The following FANCB variants were observed in gnomAD, a reference collection of about 807,000 sequenced individuals.
The protein encoded by FANCB is Fanconi anemia group B protein.
In FANCB, 5 loss-of-function variants were observed where a neutral mutation model predicts 38.9. That is an observed-to-expected ratio of 0.13 (90% CI 0.07 to 0.27). The LOEUF (loss-of-function observed/expected upper bound fraction) is 0.27. Among genes scored for constraint, FANCB ranks in the 10% least tolerant of loss-of-function variants. FANCB has a pLI of 1.00. For missense variants in FANCB, 573 were observed against 602.7 expected (o/e 0.95, Z 0.52); for synonymous variants, 236 against 215.4 (o/e 1.10, Z -0.84).
At chrX:14,740,976 G>GCA in the FANCB span, among the ~76,000 whole-genome samples, 797 of 108,704 alleles carry the variant, frequency 7.3e-3, 17 homozygotes, top group Admixed American at 0.058. Context: ...ACACACACAC[G>GCA]CACACACACA....
At chrX:14,833,667 C>T (rs980072476), downstream of FANCB, among the ~76,000 whole-genome samples, 1 of 42,303 alleles carries the variant, frequency 2.4e-5, no homozygotes, top group Non-Finnish European at 4.2e-5. Context: ...CCTGGGGAGG[C>T]TGGGTGTGGG....
the FANCB span, among the ~76,000 whole-genome samples, chrX:14,748,369 C>T: frequency 6.9e-5 from 4 of 58,288 alleles, no homozygotes; most frequent in Admixed American, 6.2e-4. Flanking sequence ...CAGTCCTGGA[C>T]AGCACTTTGT....
the FANCB span, among the ~76,000 whole-genome samples, chrX:14,795,911 T>C: frequency 9.1e-6 from 1 of 110,442 alleles, no homozygotes; most frequent in Admixed American, 9.7e-5. Flanking sequence ...TATTAAGGAG[T>C]AAAAAAGAGG....
At chrX:14,775,303 T>C in the FANCB span, among the ~76,000 whole-genome samples, 1 of 109,703 alleles carries the variant, frequency 9.1e-6, no homozygotes, top group South Asian at 3.9e-4. Context: ...TTGCTGCTGA[T>C]CGTGTCCCTG....
At chrX:14,768,300 TG>T in the FANCB span, among the ~76,000 whole-genome samples, 9 of 112,299 alleles carry the variant, frequency 8.0e-5, no homozygotes, top group African/African-American at 2.9e-4. Context: ...GAGCATGGAA[TG>T]TTTCTCCATT....
the FANCB span, chrX:14,730,316 T>A: frequency 8.3e-7 from 1 of 1,210,181 alleles, no homozygotes; most frequent in Non-Finnish European, 1.1e-6. Flanking sequence ...GCCAACCCAC[T>A]CCCACAACCG....
chrX:14,767,079 T>C, the FANCB span, among the ~76,000 whole-genome samples: 1 of 112,333 alleles, frequency 8.9e-6, no homozygotes, highest in East Asian at 2.8e-4. Flanking sequence ...ATTTTCTTTA[T>C]CTAGTTTCCT....
the FANCB span, among the ~76,000 whole-genome samples, chrX:14,766,388 C>A: frequency 1.8e-5 from 2 of 111,925 alleles, no homozygotes; most frequent in South Asian, 7.4e-4. Context: ...TTCATTCATT[C>A]AGCTATTAAA....
the FANCB span, among the ~76,000 whole-genome samples, chrX:14,749,372 G>A: frequency 9.0e-6 from 1 of 111,160 alleles, no homozygotes; most frequent in Non-Finnish European, 1.9e-5. Context: ...ACTTGTAGAC[G>A]TAGGGCTCAG....
At chrX:14,843,356 T>C (rs1601975525), downstream of FANCB, 2 of 377,523 alleles carry the variant, frequency 5.3e-6, no homozygotes, top group South Asian at 5.1e-5. Context: ...TCTCCAGACA[T>C]AGCCAAATGC....
At chrX:14,691,633 A>T in the FANCB span, among the ~76,000 whole-genome samples, 1 of 111,265 alleles carries the variant, frequency 9.0e-6, no homozygotes, top group Admixed American at 9.6e-5. Flanking sequence ...CTAAACCTCA[A>T]TGTTAGGAGG....
chrX:14,759,347 T>C, the FANCB span, among the ~76,000 whole-genome samples: 1 of 111,217 alleles, frequency 9.0e-6, no homozygotes, highest in Non-Finnish European at 1.9e-5. Context: ...GATCTAGACA[T>C]TCAAATACAA....
the FANCB span, among the ~76,000 whole-genome samples, chrX:14,697,346 G>A: frequency 1.8e-5 from 2 of 111,953 alleles, no homozygotes; most frequent in African/African-American, 6.5e-5. Flanking sequence ...ATTAAAATAA[G>A]TGGAAACGGG....
the FANCB span, among the ~76,000 whole-genome samples, chrX:14,793,790 A>T: frequency 8.9e-6 from 1 of 111,896 alleles, no homozygotes; most frequent in African/African-American, 3.2e-5. Flanking sequence ...TATATAAAAT[A>T]TGCTTTGCAA....
chrX:14,800,409 A>G, the FANCB span, among the ~76,000 whole-genome samples: 1 of 111,574 alleles, frequency 9.0e-6, no homozygotes, highest in Non-Finnish European at 1.9e-5. Context: ...AAAGCCAAAA[A>G]TTGCCAGCAA....
chrX:14,766,425 G>A, the FANCB span, among the ~76,000 whole-genome samples: 1 of 111,827 alleles, frequency 8.9e-6, no homozygotes, highest in Non-Finnish European at 1.9e-5. Context: ...CAGAAGTAAT[G>A]AGGGATGAAT....
the FANCB span, among the ~76,000 whole-genome samples, chrX:14,783,229 C>T: frequency 2.7e-5 from 3 of 112,373 alleles, no homozygotes; most frequent in East Asian, 8.4e-4. Flanking sequence ...TGAATCTGAT[C>T]GAATCCAAGT....
At chrX:14,805,351 C>G in the FANCB span, among the ~76,000 whole-genome samples, 1 of 111,476 alleles carries the variant, frequency 9.0e-6, no homozygotes, top group East Asian at 2.8e-4. Flanking sequence ...GTCTGAGGGT[C>G]CACAGCTTGC....
chrX:14,756,682 G>A, the FANCB span, among the ~76,000 whole-genome samples: 1 of 111,238 alleles, frequency 9.0e-6, no homozygotes, highest in Non-Finnish European at 1.9e-5. Context: ...GAGAAGCTCG[G>A]GCAGCGGTCT....
Sources: allele counts gnomAD v4.1 joint callset (sites outside exome capture counted in the v4.1 genomes callset), GRCh38; gene constraint gnomAD v4.1.1; transcripts MANE v1.5; gene names NCBI Gene and HGNC (gene_info 2026-07-23, HGNC 2026-07-21).